The following TSPAN7 variants were observed in gnomAD, a reference collection of about 807,000 sequenced individuals.
TSPAN7 encodes tetraspanin-7.
A neutral mutation model predicts 17.6 loss-of-function variants in TSPAN7; 1 was observed. The ratio of observed to expected loss-of-function variants is 0.06; its 90% confidence interval spans 0.02 to 0.27. The LOEUF (loss-of-function observed/expected upper bound fraction) is 0.27, where lower values mean the gene tolerates loss of function less well. Among genes scored for constraint, TSPAN7 ranks in the 10% least tolerant of loss-of-function variants. The pLI is 1.00. For missense variants in TSPAN7, 112 were observed against 201.7 expected (o/e 0.56, Z 2.69); for synonymous variants, 78 against 79.0 (o/e 0.99, Z 0.07).
chrX:38,596,856 AT>A (rs1251266530), intron 1 of TSPAN7, among the ~76,000 whole-genome samples: 1 of 111,000 alleles, frequency 9.0e-6, no homozygotes, highest in Non-Finnish European at 1.9e-5. Context: ...TTGCTGCTCA[AT>A]TTTTCAAAGC....
At chrX:38,666,483 C>T (rs2069782438) in intron 2 of TSPAN7, among the ~76,000 whole-genome samples, 174 bp downstream of exon 2, 1 of 111,532 alleles carries the variant, frequency 9.0e-6, no homozygotes, top group African/African-American at 3.3e-5. Flanking sequence ...ACCCCAAACA[C>T]AGCCTGGCAC....
At chrX:38,592,911 AT>A (rs1244732995) in intron 1 of TSPAN7, among the ~76,000 whole-genome samples, 1 of 110,520 alleles carries the variant, frequency 9.0e-6, no homozygotes, top group Non-Finnish European at 1.9e-5. Flanking sequence ...ATCTAATATC[AT>A]TTTCTTTCTT....
chrX:38,595,214 A>G (rs868089095), intron 1 of TSPAN7, among the ~76,000 whole-genome samples: 1 of 111,571 alleles, frequency 9.0e-6, no homozygotes, highest in African/African-American at 3.3e-5. Context: ...ATCAGAAAAT[A>G]ACAACTTTTC....
intron 1 of TSPAN7, among the ~76,000 whole-genome samples, chrX:38,646,727 G>T (rs191478127): frequency 8.9e-6 from 1 of 112,381 alleles, no homozygotes; most frequent in South Asian, 3.7e-4. Context: ...TTGCATTAAG[G>T]TGATAGAATT....
chrX:38,646,500 A>G (rs2069646830), intron 1 of TSPAN7, among the ~76,000 whole-genome samples: 1 of 111,946 alleles, frequency 8.9e-6, no homozygotes, highest in African/African-American at 3.3e-5. Flanking sequence ...CAAAGGAGGG[A>G]GGTGTATGTA....
intron 1 of TSPAN7, among the ~76,000 whole-genome samples, chrX:38,606,446 A>G (rs898998343): frequency 7.1e-5 from 8 of 112,078 alleles, no homozygotes; most frequent in Non-Finnish European, 1.5e-4. Context: ...AAAAGATAAT[A>G]AAAACAAGAC....
intron 6 of TSPAN7, among the ~76,000 whole-genome samples, chrX:38,686,523 ATT>A (rs1487713974): frequency 8.9e-6 from 1 of 111,923 alleles, no homozygotes; most frequent in African/African-American, 3.3e-5. Flanking sequence ...GAGAATGTGC[ATT>A]TCTAAAAAGA....
intron 1 of TSPAN7, among the ~76,000 whole-genome samples, chrX:38,593,030 A>G (rs771694916): frequency 3.6e-5 from 4 of 110,722 alleles, no homozygotes; most frequent in East Asian, 5.6e-4. Context: ...TTTTGCTAGT[A>G]TAGATTCTAG....
intron 1 of TSPAN7, among the ~76,000 whole-genome samples, chrX:38,585,471 A>G (rs1250584667): frequency 8.9e-6 from 1 of 111,922 alleles, no homozygotes; most frequent in Admixed American, 9.5e-5. Context: ...TATAAGTTGA[A>G]AGATTTTTGA....
intron 1 of TSPAN7, among the ~76,000 whole-genome samples, chrX:38,565,802 G>C (rs904468673): frequency 8.9e-6 from 1 of 111,742 alleles, no homozygotes; most frequent in Admixed American, 9.4e-5. Flanking sequence ...CTCTCTCTCT[G>C]AGGTGTTTCT....
At chrX:38,648,378 C>T (rs1005815013) in intron 1 of TSPAN7, among the ~76,000 whole-genome samples, 2 of 112,196 alleles carry the variant, frequency 1.8e-5, no homozygotes, top group Non-Finnish European at 3.8e-5. Flanking sequence ...GTGTCCCCTC[C>T]TATTATTCCT....
At chrX:38,563,139 G>C (rs754702842) in intron 1 of TSPAN7, 161 of 962,539 alleles carry the variant, frequency 1.7e-4, no homozygotes, top group Non-Finnish European at 2.0e-4. Flanking sequence ...AGTCAGGGAA[G>C]GTATGGACTC....
chrX:38,619,398 T>C (rs1177455850), intron 1 of TSPAN7, among the ~76,000 whole-genome samples: 1 of 112,116 alleles, frequency 8.9e-6, no homozygotes, highest in Non-Finnish European at 1.9e-5. Context: ...CTCTAAATGG[T>C]ACCTGAAATG....
At chrX:38,599,464 A>G (rs1471298444) in intron 1 of TSPAN7, among the ~76,000 whole-genome samples, 2 of 111,823 alleles carry the variant, frequency 1.8e-5, no homozygotes, top group Non-Finnish European at 3.8e-5. Flanking sequence ...TAAGAATTGT[A>G]CATATTTTGT....
At chrX:38,625,232 C>T (rs2069515578) in intron 1 of TSPAN7, among the ~76,000 whole-genome samples, 1 of 110,957 alleles carries the variant, frequency 9.0e-6, no homozygotes, top group South Asian at 3.9e-4. Flanking sequence ...CCACCACCCA[C>T]CGAGTAATTG....
intron 1 of TSPAN7, among the ~76,000 whole-genome samples, chrX:38,641,059 A>G (rs2069608719): frequency 8.9e-6 from 1 of 112,514 alleles, no homozygotes; most frequent in Non-Finnish European, 1.9e-5. Flanking sequence ...GTGCCTGGTC[A>G]GATTAAAAGC....
chrX:38,567,092 A>T (rs1219486510), intron 1 of TSPAN7, among the ~76,000 whole-genome samples: 7 of 106,448 alleles, frequency 6.6e-5, no homozygotes, highest in East Asian at 5.9e-4. Context: ...ATTTAAAACA[A>T]TTTTTTTTTT....
At chrX:38,680,183 C>T (rs1200101584) in intron 5 of TSPAN7, among the ~76,000 whole-genome samples, 4 of 110,674 alleles carry the variant, frequency 3.6e-5, no homozygotes, top group African/African-American at 1.3e-4. Context: ...ATTTTTTTTT[C>T]CTGCACACAG....
intron 1 of TSPAN7, among the ~76,000 whole-genome samples, chrX:38,565,836 G>T (rs1241367317): frequency 1.8e-5 from 2 of 111,541 alleles, no homozygotes; most frequent in Non-Finnish European, 3.8e-5. Flanking sequence ...TCTCAAAAGG[G>T]GGCAGTTTTG....
Sources: allele counts gnomAD v4.1 joint callset (sites outside exome capture counted in the v4.1 genomes callset), GRCh38; gene constraint gnomAD v4.1.1; transcripts MANE v1.5; gene names NCBI Gene and HGNC (gene_info 2026-07-23, HGNC 2026-07-21).